SLC35F3: variants seen among roughly 807,000 people sequenced by gnomAD.
The protein encoded by SLC35F3 is solute carrier family 35 member F3, also known as putative thiamine transporter SLC35F3.
A neutral mutation model predicts 49.9 loss-of-function variants in SLC35F3; 25 were observed. The observed-to-expected ratio is 0.50, with a 90% CI of 0.37 to 0.70. SLC35F3 has a LOEUF of 0.70. Ranked by LOEUF, SLC35F3 falls within the 30% of genes least tolerant of loss-of-function variation. The pLI, the probability that SLC35F3 is intolerant of heterozygous loss-of-function variation, is 0.00. For synonymous variants in SLC35F3, 275 were observed against 265.4 expected (o/e 1.04, Z -0.35); for missense variants, 525 against 639.8 (o/e 0.82, Z 1.94).
chr1:234,110,993 C>G (rs1216048636), intron 2 of SLC35F3, among the ~76,000 whole-genome samples: 1 of 151,776 alleles, frequency 6.6e-6, no homozygotes, highest in Non-Finnish European at 1.5e-5. Flanking sequence ...CTAGTATAAG[C>G]TTTATTAAGT....
Position 234,323,349 on chromosome 1 carries a change from G to A in SLC35F3, c.*106G>A, listed in dbSNP as rs1302475168. ...TACCTGTACAGTTTTGGTCATCTGC[G>A]GTAAGTTCTATGGTATTTATTGGCA... is the stretch of plus-strand genomic sequence containing the variant. On this transcript the variant is annotated 3_prime_UTR_variant, in exon 8 of 8. Transcript: ENST00000366618. The surrounding 1 kb of genome is among the most constrained non-coding windows in gnomAD (Gnocchi z 4.5). 2 of 947,160 alleles carry A rather than the reference G, an allele frequency of 2.1e-6. No individual in the cohort carries two copies. Among genetic ancestry groups the A allele is most frequent in the East Asian group, 2.6e-5 (1 of 37,842 alleles). 58.7% of individuals were successfully genotyped at this position (947,160 alleles called of 1,614,324 possible).
intron 2 of SLC35F3, among the ~76,000 whole-genome samples, chr1:234,094,642 A>G (rs2045518): frequency 0.29 from 44,154 of 152,084 alleles, 7,552 homozygotes; most frequent in East Asian, 0.84. Context: ...CCAGGAATGA[A>G]GGCCTCTGAT....
intron 2 of SLC35F3, among the ~76,000 whole-genome samples, chr1:234,035,749 G>A (rs1303520071): frequency 6.6e-6 from 1 of 152,108 alleles, no homozygotes; most frequent in Non-Finnish European, 1.5e-5. Flanking sequence ...TTAATTACAA[G>A]AGCTCTTTTT....
At chr1:233,944,171 T>A (rs1008590972) in intron 2 of SLC35F3, among the ~76,000 whole-genome samples, 4 of 151,998 alleles carry the variant, frequency 2.6e-5, no homozygotes, top group African/African-American at 9.7e-5. Flanking sequence ...TAGCAGAAGA[T>A]AAGAAATAAC....
intron 2 of SLC35F3, among the ~76,000 whole-genome samples, chr1:234,161,216 C>G (rs188991975): frequency 1.3e-3 from 200 of 152,348 alleles, no homozygotes; most frequent in Admixed American, 2.4e-3. Context: ...TGTTGTCTCA[C>G]TTATCTCACA....
chr1:234,273,638 C>G (rs1212085428), intron 3 of SLC35F3, among the ~76,000 whole-genome samples: 1 of 134,580 alleles, frequency 7.4e-6, no homozygotes, highest in African/African-American at 3.0e-5. Context: ...GCTGGATGGC[C>G]TCAGAAGGAT....
intron 2 of SLC35F3, among the ~76,000 whole-genome samples, chr1:234,017,822 C>A (rs887449035): frequency 4.0e-5 from 6 of 151,158 alleles, no homozygotes; most frequent in Admixed American, 6.6e-5. Flanking sequence ...TTGCACCAAG[C>A]AAATATATGG....
chr1:233,948,776 T>C (rs567635116), intron 2 of SLC35F3, among the ~76,000 whole-genome samples: 3 of 146,302 alleles, frequency 2.1e-5, no homozygotes, highest in South Asian at 2.3e-4. Flanking sequence ...TGTGATCTCA[T>C]TGTTCAGTTC....
chr1:234,131,750 G>A (rs1323058665), intron 2 of SLC35F3, among the ~76,000 whole-genome samples: 1 of 152,204 alleles, frequency 6.6e-6, no homozygotes, highest in Non-Finnish European at 1.5e-5. Flanking sequence ...TGAGGAGTCT[G>A]GAGGGGAGTA....
At chr1:234,297,719 G>A (rs1425089801) in intron 3 of SLC35F3, among the ~76,000 whole-genome samples, 1 of 148,704 alleles carries the variant, frequency 6.7e-6, no homozygotes, top group Non-Finnish European at 1.5e-5. Context: ...ACTCCAGCCT[G>A]GGTGACAGAG....
At chr1:234,190,426 T>C (rs60050853) in intron 2 of SLC35F3, among the ~76,000 whole-genome samples, 3,054 of 152,242 alleles carry the variant, frequency 0.02, 96 homozygotes, top group African/African-American at 0.068. Context: ...GCTATTCTTA[T>C]ATCAGACAAA....
At chr1:233,905,379 G>A (rs1661756103) in intron 1 of SLC35F3, 150 bp from the exon 2 acceptor site, 1 of 718,470 alleles carries the variant, frequency 1.4e-6, no homozygotes, top group Non-Finnish European at 2.3e-6. Context: ...CGGCGGGAAG[G>A]GAGGAGCGCG....
intron 2 of SLC35F3, among the ~76,000 whole-genome samples, chr1:234,222,949 G>A (rs1035004330): frequency 6.6e-6 from 1 of 152,136 alleles, no homozygotes; most frequent in African/African-American, 2.4e-5. Flanking sequence ...ATTCCAGGAG[G>A]CTGCACAAGC....
At chr1:234,304,970 A>G (rs1051037556) in intron 3 of SLC35F3, among the ~76,000 whole-genome samples, 10 of 152,212 alleles carry the variant, frequency 6.6e-5, no homozygotes, top group Non-Finnish European at 1.0e-4. Flanking sequence ...GAAAAAAACT[A>G]AATAGAAAAA....
chr1:234,297,578 G>A (rs534923772), intron 3 of SLC35F3, among the ~76,000 whole-genome samples: 2 of 152,222 alleles, frequency 1.3e-5, no homozygotes, highest in African/African-American at 2.4e-5. Context: ...TAAGGGAATA[G>A]TTAAAATAGT....
intron 2 of SLC35F3, among the ~76,000 whole-genome samples, chr1:233,925,813 T>C (rs1662148458): frequency 6.6e-6 from 1 of 152,198 alleles, no homozygotes; most frequent in Non-Finnish European, 1.5e-5. Flanking sequence ...CAGGAGCTCT[T>C]GTAAGGCAGG....
intron 2 of SLC35F3, among the ~76,000 whole-genome samples, chr1:233,927,537 A>G (rs180867995): frequency 2.1e-4 from 32 of 152,274 alleles, no homozygotes; most frequent in African/African-American, 7.2e-4. Flanking sequence ...TAAGAGACGC[A>G]TTCTAATAAT....
chr1:234,293,514 C>T (rs905797001), intron 3 of SLC35F3, among the ~76,000 whole-genome samples: 15 of 152,332 alleles, frequency 9.8e-5, no homozygotes, highest in African/African-American at 3.6e-4. Flanking sequence ...GGCCAGGGAG[C>T]ACACATTTAG....
intron 2 of SLC35F3, among the ~76,000 whole-genome samples, chr1:234,052,527 T>C (rs1021743095): frequency 6.6e-6 from 1 of 152,194 alleles, no homozygotes; most frequent in Non-Finnish European, 1.5e-5. Flanking sequence ...TTCTTCTCTC[T>C]TTTCTTCTTT....
Sources: gnomAD v4.1 joint callset for allele counts (sites outside exome capture counted in the v4.1 genomes callset) on GRCh38, gnomAD v4.1.1 for gene constraint, Gnocchi (gnomAD v3.1) non-coding constraint, MANE v1.5 for transcripts, NCBI Gene and HGNC (gene_info 2026-07-23, HGNC 2026-07-21) for gene names.